The following ROBO2 variants were observed in gnomAD, a reference collection of about 807,000 sequenced individuals.
ROBO2 encodes the protein roundabout homolog 2.
In ROBO2, 53 loss-of-function variants were observed where a neutral mutation model predicts 160.8. The ratio of observed to expected loss-of-function variants is 0.33; its 90% CI spans 0.26 to 0.41. The LOEUF is 0.41. Among genes scored for constraint, ROBO2 ranks in the 10% least tolerant of loss-of-function variants. The probability of loss-of-function intolerance (pLI) is 1.00; values close to 1 mark genes in which losing one functional copy is unlikely to be tolerated. For missense variants in ROBO2, 1,577 were observed against 1,722.4 expected (o/e 0.92, Z 1.49); for synonymous variants, 664 against 611.7 (o/e 1.09, Z -1.26).
chr3:76,013,340 C>T (rs615752), intron 2 of ROBO2, among the ~76,000 whole-genome samples: 107,438 of 142,704 alleles, frequency 0.75, 41,285 homozygotes, highest in Middle Eastern at 0.9. Flanking sequence ...GCGGCTGGCA[C>T]GGTGGTGTAT....
chr3:76,864,526 C>G (rs946110342), intron 2 of ROBO2, among the ~76,000 whole-genome samples: 1 of 151,928 alleles, frequency 6.6e-6, no homozygotes, highest in Non-Finnish European at 1.5e-5. Context: ...GCCAGAAACT[C>G]AAGTTGACAT....
Position 76,404,864 on chromosome 3 carries a change from G to T in ROBO2, c.109+467262G>T, listed in dbSNP as rs561276403. ...TTTTTGTGGCTTGGTTGTGAATATGGCGTATGTGAAAATGAGAATGGGTTA... is the reference window on the plus strand; with the variant it reads ...TTTTTGTGGCTTGGTTGTGAATATGTCGTATGTGAAAATGAGAATGGGTTA... On this transcript the variant is annotated intron_variant, in intron 2 of 26. Transcript: ENST00000487694. Among the ~76,000 whole-genome samples the T allele has an allele frequency of 4.6e-5, 7 of 151,694 alleles. 1 individual carries two copies. In the South Asian group the frequency reaches 1.5e-3, roughly 31 times the overall value.
chr3:75,971,840 A>G (rs1197970204), intron 2 of ROBO2, among the ~76,000 whole-genome samples: 4 of 151,528 alleles, frequency 2.6e-5, no homozygotes, highest in African/African-American at 7.3e-5. Flanking sequence ...ATTCAAAAAT[A>G]AGTCCTTCAG....
intron 2 of ROBO2, among the ~76,000 whole-genome samples, chr3:77,215,377 A>G (rs976885953): frequency 2.0e-5 from 3 of 152,208 alleles, no homozygotes; most frequent in Non-Finnish European, 4.4e-5. Flanking sequence ...CGCATTGGCT[A>G]CTGAGGCTTG....
intron 2 of ROBO2, among the ~76,000 whole-genome samples, chr3:76,377,570 T>C (rs2076408497): frequency 6.6e-6 from 1 of 152,190 alleles, no homozygotes; most frequent in South Asian, 2.1e-4. Flanking sequence ...CCTGCTAATC[T>C]CCTTGCTTCC....
At chr3:76,486,304 C>G (rs536313749) in intron 2 of ROBO2, among the ~76,000 whole-genome samples, 2 of 151,994 alleles carry the variant, frequency 1.3e-5, no homozygotes, top group African/African-American at 4.8e-5. Flanking sequence ...TGCAGAGAGC[C>G]CTTAGAGTGA....
chr3:77,109,624 T>G (rs1306243240), intron 2 of ROBO2, among the ~76,000 whole-genome samples: 2 of 152,234 alleles, frequency 1.3e-5, no homozygotes, highest in Admixed American at 6.5e-5. Context: ...TAATAATCTC[T>G]GGGGCTTGCT....
intron 2 of ROBO2, among the ~76,000 whole-genome samples, chr3:76,024,111 T>G (rs2066658527): frequency 6.6e-6 from 1 of 151,522 alleles, no homozygotes; most frequent in Non-Finnish European, 1.5e-5. Context: ...AATGGTTGCT[T>G]AAATGAACTA....
At chr3:76,612,423 C>G (rs1223668456) in intron 2 of ROBO2, among the ~76,000 whole-genome samples, 1 of 152,244 alleles carries the variant, frequency 6.6e-6, no homozygotes, top group East Asian at 1.9e-4. Flanking sequence ...ATTGGCTTTA[C>G]AACATTCTCA....
chr3:77,279,636 T>G (rs2153369284), intron 2 of ROBO2, among the ~76,000 whole-genome samples: 1 of 152,272 alleles, frequency 6.6e-6, no homozygotes, highest in South Asian at 2.1e-4. Flanking sequence ...TGAATACACA[T>G]ACTAACATGT....
intron 1 of ROBO2, among the ~76,000 whole-genome samples, chr3:77,068,605 T>C (rs1438016185): frequency 6.6e-6 from 1 of 152,094 alleles, no homozygotes; most frequent in Non-Finnish European, 1.5e-5. Flanking sequence ...ATGATATAAA[T>C]ATATCTTAAA....
intron 2 of ROBO2, among the ~76,000 whole-genome samples, chr3:76,221,498 C>A (rs895464312): frequency 1.3e-5 from 2 of 152,158 alleles, no homozygotes; most frequent in African/African-American, 4.8e-5. Flanking sequence ...TGAGCAGTGC[C>A]ACTCTCATTT....
At chr3:76,479,052 G>A (rs780971261) in intron 2 of ROBO2, among the ~76,000 whole-genome samples, 1 of 152,068 alleles carries the variant, frequency 6.6e-6, no homozygotes, top group East Asian at 1.9e-4. Context: ...TGGGAAAATG[G>A]CCTCTGCTGC....
At chr3:76,973,826 G>A (rs1236401274) in intron 2 of ROBO2, among the ~76,000 whole-genome samples, 18 of 152,144 alleles carry the variant, frequency 1.2e-4, no homozygotes, top group Non-Finnish European at 4.4e-5. Context: ...TCACCGTCTA[G>A]TTCAAAACAC....
chr3:75,918,498 C>T (rs76992605), intron 1 of ROBO2, among the ~76,000 whole-genome samples: 1 of 151,980 alleles, frequency 6.6e-6, no homozygotes, highest in African/African-American at 2.4e-5. Context: ...TTTGCTTAGG[C>T]TAGTTTTGGC....
intron 2 of ROBO2, among the ~76,000 whole-genome samples, chr3:76,521,765 A>G (rs1181749135): frequency 6.6e-6 from 1 of 152,090 alleles, no homozygotes; most frequent in Non-Finnish European, 1.5e-5. Context: ...TTTGGAATTG[A>G]CCTTCAGAAG....
chr3:76,431,088 T>C (rs2076417374), intron 2 of ROBO2, among the ~76,000 whole-genome samples: 1 of 152,100 alleles, frequency 6.6e-6, no homozygotes, highest in African/African-American at 2.4e-5. Context: ...CAGTTTACTA[T>C]ATTTCTGAGA....
At chr3:77,591,301 C>T (rs2094174420) in intron 17 of ROBO2, among the ~76,000 whole-genome samples, 1 of 152,038 alleles carries the variant, frequency 6.6e-6, no homozygotes, top group African/African-American at 2.4e-5. Flanking sequence ...TGAGGCTTGC[C>T]TGCAACAGTA....
chr3:77,527,734 CCTT>C lies in ROBO2; in HGVS notation c.934+4833_934+4835del, dbSNP rs57305497. On this transcript the variant is annotated intron_variant, in intron 6 of 25. Coordinates refer to ENST00000461745, the Ensembl canonical transcript of ROBO2. ...GGATACAATAAGAAAGCATTGCTCT[CCTT>C]TTTTGTATGTATAAAATAATCAATT... 5.5e-4 allele frequency among the ~76,000 whole-genome samples: 84 copies of C among 151,440 alleles called. 1 individual carries two copies. In the East Asian group the frequency reaches 0.013, roughly 23 times the overall value.
Sources: allele counts gnomAD v4.1 joint callset (sites outside exome capture counted in the v4.1 genomes callset), GRCh38; gene constraint gnomAD v4.1.1; transcripts MANE v1.5; gene names NCBI Gene and HGNC (gene_info 2026-07-23, HGNC 2026-07-21).